The following SMIM35 variants were observed in gnomAD, a reference collection of about 807,000 sequenced individuals.
SMIM35 encodes small integral membrane protein 35, also known as TMPRSS4 antisense RNA 1 (non-protein coding).
intron 1 of SMIM35, among the ~76,000 whole-genome samples, chr11:118,042,663 A>G (rs929275106): frequency 6.6e-6 from 1 of 152,210 alleles, no homozygotes; most frequent in African/African-American, 2.4e-5. Context: ...AGAAAAGAAA[A>G]CCAGAGAAAA....
chr11:118,068,885 C>T (rs919297713), intron 1 of SMIM35, among the ~76,000 whole-genome samples: 4 of 152,230 alleles, frequency 2.6e-5, no homozygotes, highest in African/African-American at 7.2e-5. Context: ...CAGAAGCACT[C>T]AGTCAAGCCA....
intron 2 of SMIM35, 97 bp from the exon 3 acceptor site, chr11:118,014,838 A>T (rs1388561287): frequency 5.0e-6 from 2 of 397,622 alleles, no homozygotes; most frequent in African/African-American, 4.1e-5. Flanking sequence ...CCCTGTCTGG[A>T]GGAGTAGGGT....
chr11:118,045,191 A>G (rs1041811597), intron 1 of SMIM35, among the ~76,000 whole-genome samples: 1 of 152,156 alleles, frequency 6.6e-6, no homozygotes, highest in Non-Finnish European at 1.5e-5. Context: ...GGTTTTATGG[A>G]GCCTACACTT....
intron 1 of SMIM35, among the ~76,000 whole-genome samples, chr11:118,075,962 A>G (rs983108208): frequency 6.6e-6 from 1 of 152,252 alleles, no homozygotes; most frequent in African/African-American, 2.4e-5. Flanking sequence ...ATGTGGCAGA[A>G]CGTGAATCAG....
intron 1 of SMIM35, among the ~76,000 whole-genome samples, chr11:118,050,558 C>A (rs1434744162): frequency 6.6e-6 from 1 of 152,214 alleles, no homozygotes; most frequent in Admixed American, 6.5e-5. Context: ...GGAGCAGAAA[C>A]AACTGACACA....
Position 118,063,813 on chromosome 11 carries a change from G to A in SMIM35, c.7+22938C>T, listed in dbSNP as rs372831080. On this transcript the variant is annotated intron_variant, in intron 1 of 4. Coordinates refer to ENST00000689828, the MANE Select transcript of SMIM35 (RefSeq NM_001394165.1). ...AGGTTTCCAGAAGGGGACCCGACTCGGGAGGGCATGAAAGCCCCGTGTCCC... is the reference window on the plus strand; with the variant it reads ...AGGTTTCCAGAAGGGGACCCGACTCAGGAGGGCATGAAAGCCCCGTGTCCC... Among the ~76,000 whole-genome samples the A allele has an allele frequency of 1.3e-4, 20 of 152,308 alleles. No homozygotes were observed. The East Asian group carries it at 1.5e-3, about 12-fold the overall frequency.
At chr11:118,080,003 A>C (rs949502348) in intron 1 of SMIM35, among the ~76,000 whole-genome samples, 10 of 150,718 alleles carry the variant, frequency 6.6e-5, no homozygotes, top group African/African-American at 2.4e-4. Flanking sequence ...CACTGTAACC[A>C]CTCCCCCCCC....
intron 1 of SMIM35, among the ~76,000 whole-genome samples, chr11:118,054,322 T>C (rs559639620): frequency 1.3e-5 from 2 of 152,326 alleles, no homozygotes; most frequent in South Asian, 4.1e-4. Flanking sequence ...GATAAAGAGA[T>C]GTCCTTTCTG....
At position 118,084,265 on chromosome 11, in the gene SMIM35, C is replaced by A. The variant is rs78081857; in HGVS notation, c.7+2486G>T. Among the ~76,000 whole-genome samples, 353 of 152,274 alleles carry A rather than the reference C, an allele frequency of 2.3e-3. 2 individuals are homozygous for A. Among genetic ancestry groups the A allele is most frequent in the African/African-American group, 5.6e-3 (234 of 41,558 alleles). On this transcript the variant is annotated intron_variant, in intron 1 of 4. Coordinates refer to ENST00000689828, the MANE Select transcript of SMIM35 (RefSeq NM_001394165.1). Reference sequence around the variant, plus strand: ...TTCAGACCTAGGCTGCAGGATTCCACGGCCTGTGCTCTGTGCACTGTAAAA... The same window carrying A: ...TTCAGACCTAGGCTGCAGGATTCCAAGGCCTGTGCTCTGTGCACTGTAAAA...
intron 1 of SMIM35, among the ~76,000 whole-genome samples, chr11:118,083,069 G>T (rs1291134449): frequency 6.6e-6 from 1 of 152,058 alleles, no homozygotes; most frequent in Non-Finnish European, 1.5e-5. Context: ...CTGCGCCGCT[G>T]CGGGGCTCGG....
chr11:118,013,833 T>C lies in SMIM35; in HGVS notation c.206A>G (p.His69Arg). The change falls in exon 4 of 5, where the codon CAC becomes CGC. Residue 69 changes from histidine to arginine, a missense_variant. By Grantham distance (29) the His-to-Arg change is conservative. Coordinates refer to ENST00000689828, the MANE Select transcript of SMIM35 (RefSeq NM_001394165.1). ...GTAGCCACCATCTGTGCTGCTGATG[T>C]GACCACTGATGGTGAAGGGTGGACC... ...EMGPPFTISG[H>R]ISSTDGGYMK... 1 of 399,128 alleles carries C rather than the reference T, an allele frequency of 2.5e-6. No homozygotes were observed. Among genetic ancestry groups the C allele is most frequent in the Non-Finnish European group, 4.4e-6 (1 of 226,106 alleles). The allele number at this position is 399,128 out of a possible 1,614,324, so 24.7% of individuals were successfully genotyped here.
At position 118,046,601 on chromosome 11, in the gene SMIM35, C is replaced by G. The variant is rs1944100013; in HGVS notation, c.8-30792G>C. ...TCCCTCCAATTAAGGCAAGTCAGGG[C>G]AGGTATAGAGCAGCTGTTCCCAAAT... is the stretch of plus-strand genomic sequence containing the variant. On this transcript the variant is annotated intron_variant, in intron 1 of 4. Transcript: ENST00000689828. 2.6e-5 allele frequency among the ~76,000 whole-genome samples: 4 copies of G among 152,162 alleles called. No homozygotes were observed. In the South Asian group the frequency reaches 8.3e-4, roughly 32 times the overall value.
At chr11:118,011,242 C>T (rs891735380) in intron 4 of SMIM35, among the ~76,000 whole-genome samples, 6 of 152,246 alleles carry the variant, frequency 3.9e-5, no homozygotes, top group Non-Finnish European at 8.8e-5. Flanking sequence ...CCTGAAGCCA[C>T]AGACCTGGGG....
intron 1 of SMIM35, among the ~76,000 whole-genome samples, chr11:118,065,124 G>T (rs1004789096): frequency 1.3e-5 from 2 of 152,156 alleles, no homozygotes; most frequent in African/African-American, 2.4e-5. Context: ...TCAAACACCC[G>T]TCCCTCCCCA....
At chr11:118,054,156 A>ATTT (rs1345936190) in intron 1 of SMIM35, among the ~76,000 whole-genome samples, 1 of 108,224 alleles carries the variant, frequency 9.2e-6, no homozygotes, top group Non-Finnish European at 2.0e-5. Context: ...GGTTTTTGGG[A>ATTT]TTTTTTTGTT....
At chr11:118,071,994 AGGGAAGG>A (rs149847518) in intron 1 of SMIM35, among the ~76,000 whole-genome samples, 2,049 of 152,284 alleles carry the variant, frequency 0.013, 39 homozygotes, top group African/African-American at 0.047. Flanking sequence ...AGCTCCTAGA[AGGGAAGG>A]GCAGTATATG....
At chr11:118,077,454 C>A (rs1944744874) in intron 1 of SMIM35, 2 of 945,532 alleles carry the variant, frequency 2.1e-6, no homozygotes, top group South Asian at 3.5e-5. Context: ...CCCTCACACC[C>A]CAGCCCGGTA....
chr11:118,052,014 G>A (rs1944224471), intron 1 of SMIM35, among the ~76,000 whole-genome samples: 1 of 152,084 alleles, frequency 6.6e-6, no homozygotes, highest in Non-Finnish European at 1.5e-5. Flanking sequence ...CTAGAACATG[G>A]CGCTGATGAC....
intron 1 of SMIM35, among the ~76,000 whole-genome samples, chr11:118,049,107 G>A (rs753872009): frequency 3.3e-5 from 5 of 152,218 alleles, no homozygotes; most frequent in Non-Finnish European, 5.9e-5. Context: ...AACGTCAGGG[G>A]TGGGCAGGGG....
Sources: allele counts gnomAD v4.1 joint callset (sites outside exome capture counted in the v4.1 genomes callset), GRCh38; gene constraint gnomAD v4.1.1; transcripts MANE v1.5; gene names NCBI Gene and HGNC (gene_info 2026-07-23, HGNC 2026-07-21).